Variants in METTL15 observed in about 807,000 individuals in gnomAD.
METTL15 encodes the protein methyltransferase 15, mitochondrial 12S rRNA N4-cytidine.
METTL15 carries 34 observed loss-of-function variants against 38.3 expected under a neutral mutation model. That is an observed-to-expected ratio of 0.89 (90% CI 0.68 to 1.18). METTL15 has a LOEUF of 1.18. Among genes scored for constraint, METTL15 ranks in the 50% most tolerant of loss-of-function variants. The probability of loss-of-function intolerance (pLI) is 0.00; values close to 1 mark genes in which losing one functional copy is unlikely to be tolerated. For synonymous variants in METTL15, 162 were observed against 170.9 expected (o/e 0.95, Z 0.41); for missense variants, 438 against 498.4 (o/e 0.88, Z 1.15).
intron 5 of METTL15, among the ~76,000 whole-genome samples, chr11:28,382,435 G>T (rs1262305101): frequency 6.6e-6 from 1 of 152,144 alleles, no homozygotes; most frequent in Non-Finnish European, 1.5e-5. Flanking sequence ...CTAGGAAGAT[G>T]GTTGTCTTCC....
intron 4 of METTL15, among the ~76,000 whole-genome samples, chr11:28,288,206 A>G (rs1214920153): frequency 1.3e-5 from 2 of 152,122 alleles, no homozygotes; most frequent in Admixed American, 6.6e-5. Context: ...ATGCTTATAC[A>G]CTGTAGTGGA....
intron 4 of METTL15, among the ~76,000 whole-genome samples, chr11:28,359,431 A>G (rs1264491346): frequency 6.6e-6 from 1 of 152,186 alleles, no homozygotes; most frequent in African/African-American, 2.4e-5. Context: ...TCCTTTGGGT[A>G]TATACCTAGT....
chr11:28,203,420 T>C (rs1211802848), intron 3 of METTL15, among the ~76,000 whole-genome samples: 1 of 152,126 alleles, frequency 6.6e-6, no homozygotes, highest in African/African-American at 2.4e-5. Flanking sequence ...TGTTTTTAAC[T>C]GTATTGGAGG....
chr11:28,164,326 T>G (rs962014689), intron 3 of METTL15, among the ~76,000 whole-genome samples: 10 of 152,202 alleles, frequency 6.6e-5, no homozygotes, highest in African/African-American at 2.2e-4. Context: ...TTGCCTTCAG[T>G]TTCAGGGTTT....
At chr11:28,403,268 A>G (rs928383913) in intron 5 of METTL15, among the ~76,000 whole-genome samples, 8 of 151,996 alleles carry the variant, frequency 5.3e-5, no homozygotes, top group African/African-American at 1.9e-4. Context: ...GTGCTGGAAT[A>G]TGACTGAGTC....
chr11:28,297,622 A>G (rs1297766979), intron 6 of METTL15, among the ~76,000 whole-genome samples: 1 of 152,082 alleles, frequency 6.6e-6, no homozygotes, highest in East Asian at 1.9e-4. Flanking sequence ...TTTGAAGCCA[A>G]AGTTGTTTCA....
intron 6 of METTL15, among the ~76,000 whole-genome samples, chr11:28,424,586 G>C (rs1293797047): frequency 6.6e-6 from 1 of 152,158 alleles, no homozygotes; most frequent in East Asian, 1.9e-4. Context: ...GTCAGTTACA[G>C]AACTTTTATA....
At chr11:28,266,307 C>T (rs1056736839) in intron 4 of METTL15, among the ~76,000 whole-genome samples, 7 of 152,114 alleles carry the variant, frequency 4.6e-5, no homozygotes, top group Non-Finnish European at 1.0e-4. Flanking sequence ...TTGGAAACAA[C>T]CCAAATGTCC....
At chr11:28,366,763 A>G (rs965685211) in intron 5 of METTL15, among the ~76,000 whole-genome samples, 1 of 152,192 alleles carries the variant, frequency 6.6e-6, no homozygotes. Context: ...GCCAACCCAT[A>G]TTTAAATAGA....
At chr11:28,142,952 A>G (rs959327095) in intron 3 of METTL15, among the ~76,000 whole-genome samples, 3 of 152,120 alleles carry the variant, frequency 2.0e-5, no homozygotes, top group African/African-American at 7.2e-5. Flanking sequence ...TAGAGTGGTA[A>G]CAGTTTAAAT....
rs1849845098 is a variant in METTL15, at chr11:28,332,578, T to C, written c.*1737T>C. ...AGTATGTGACCTTATTTGGAAATAC[T>C]GTGGTTGTGGTTGTAAGTAGCTAAG... On this transcript the variant is annotated 3_prime_UTR_variant, in exon 7 of 7. Transcript: ENST00000407364. 6.8e-6 allele frequency: 1 copy of C among 148,136 alleles called. No homozygotes were observed. The highest frequency in any genetic ancestry group is 1.5e-5 in the Non-Finnish European group (1 of 67,562). The allele number at this position is 148,136 out of a possible 1,614,324, so 9.2% of individuals were successfully genotyped here.
chr11:28,355,451 C>T lies in METTL15; in HGVS notation c.*258+3293C>T, dbSNP rs528543970. On this transcript the variant is annotated intron_variant and NMD_transcript_variant, in intron 4 of 7. Coordinates refer to the METTL15 transcript ENST00000532947. ...AGAAGATTCACCATTACATTAAATT[C>T]CCTACACCTCTGTTTCTTCATTGAA... 2.0e-5 allele frequency among the ~76,000 whole-genome samples: 3 copies of T among 152,246 alleles called. No individual in the cohort carries two copies. In the South Asian group the frequency reaches 6.2e-4, roughly 32 times the overall value.
intron 5 of METTL15, among the ~76,000 whole-genome samples, chr11:28,364,949 T>A (rs984268857): frequency 6.6e-6 from 1 of 152,206 alleles, no homozygotes; most frequent in Non-Finnish European, 1.5e-5. Context: ...CGGTTTTTGT[T>A]TTTGATGAGC....
chr11:28,478,647 C>G (rs1851367600), intron 6 of METTL15, among the ~76,000 whole-genome samples: 2 of 152,154 alleles, frequency 1.3e-5, no homozygotes, highest in South Asian at 4.1e-4. Context: ...CTTTGGCTTG[C>G]TTTGCTCCTG....
chr11:28,221,894 G>A (rs1853243332), intron 4 of METTL15, among the ~76,000 whole-genome samples: 1 of 152,148 alleles, frequency 6.6e-6, no homozygotes, highest in Non-Finnish European at 1.5e-5. Flanking sequence ...AAATGTTGCT[G>A]CCTGATCGTT....
intron 5 of METTL15, among the ~76,000 whole-genome samples, chr11:28,408,699 T>C (rs1378775505): frequency 6.6e-6 from 1 of 152,200 alleles, no homozygotes; most frequent in Non-Finnish European, 1.5e-5. Context: ...TACTGACATA[T>C]GTAATATACA....
chr11:28,498,527 G>A (rs1024791085), intron 6 of METTL15, among the ~76,000 whole-genome samples: 4 of 152,118 alleles, frequency 2.6e-5, no homozygotes, highest in Admixed American at 6.5e-5. Context: ...TATATATCCA[G>A]AAAAACTAAG....
chr11:28,208,657 A>T (rs777803254), intron 3 of METTL15, among the ~76,000 whole-genome samples: 1 of 152,012 alleles, frequency 6.6e-6, no homozygotes, highest in South Asian at 2.1e-4. Context: ...TCAATTCCTG[A>T]GTATCCTTGT....
chr11:28,390,255 G>A (rs1298896425), intron 5 of METTL15, among the ~76,000 whole-genome samples: 1 of 150,218 alleles, frequency 6.7e-6, no homozygotes, highest in African/African-American at 2.4e-5. Flanking sequence ...TGTCAATTTT[G>A]GCTTTTGTTG....
Sources: allele counts gnomAD v4.1 joint callset (sites outside exome capture counted in the v4.1 genomes callset), GRCh38; gene constraint gnomAD v4.1.1; transcripts MANE v1.5; gene names NCBI Gene and HGNC (gene_info 2026-07-23, HGNC 2026-07-21).